ATP8A2: variants seen among roughly 807,000 people sequenced by gnomAD.
ATP8A2 encodes phospholipid-transporting ATPase IB.
A neutral mutation model predicts 165.6 loss-of-function variants in ATP8A2; 100 were observed. The ratio of observed to expected loss-of-function variants is 0.60; its 90% CI spans 0.51 to 0.71. ATP8A2 has a LOEUF of 0.71. Among genes scored for constraint, ATP8A2 ranks in the 30% least tolerant of loss-of-function variants. ATP8A2 has a pLI of 0.00. For synonymous variants in ATP8A2, 543 were observed against 548.8 expected, an observed-to-expected ratio of 0.99 and a Z score of 0.15; for missense variants, 1,227 against 1,479.5, an observed-to-expected ratio of 0.83 and a Z score of 2.80.
At chr13:25,591,583 CTT>C (rs749798935) in intron 24 of ATP8A2, among the ~76,000 whole-genome samples, 2,497 of 131,742 alleles carry the variant, frequency 0.019, 33 homozygotes, top group African/African-American at 0.066. Flanking sequence ...TAGCTTATAA[CTT>C]TTTTTTTTTT....
At chr13:25,472,249 C>T (rs2035864963) in intron 2 of ATP8A2, among the ~76,000 whole-genome samples, 2 of 152,100 alleles carry the variant, frequency 1.3e-5, no homozygotes. Flanking sequence ...CAAAAATTAG[C>T]CGGGCGTGGT....
intron 2 of ATP8A2, among the ~76,000 whole-genome samples, chr13:25,473,653 T>C (rs1332943463): frequency 6.6e-6 from 1 of 152,176 alleles, no homozygotes; most frequent in East Asian, 1.9e-4. Context: ...AGAAATATTA[T>C]ACTCTAGCTA....
intron 2 of ATP8A2, among the ~76,000 whole-genome samples, chr13:25,475,438 T>C (rs1566163832): frequency 6.6e-6 from 1 of 152,318 alleles, no homozygotes; most frequent in African/African-American, 2.4e-5. Context: ...TTTAGGTTGA[T>C]TCCATGTCAT....
chr13:25,509,379 A>G (rs2037149048), intron 2 of ATP8A2, among the ~76,000 whole-genome samples: 1 of 152,206 alleles, frequency 6.6e-6, no homozygotes, highest in Admixed American at 6.5e-5. Context: ...AATTATTGCT[A>G]GAGGAAAAAT....
chr13:25,689,253 T>C (rs1473946235), intron 24 of ATP8A2, among the ~76,000 whole-genome samples: 2 of 152,232 alleles, frequency 1.3e-5, no homozygotes, highest in African/African-American at 4.8e-5. Flanking sequence ...GATAAGTAGT[T>C]CAAAAATTGT....
intron 2 of ATP8A2, among the ~76,000 whole-genome samples, chr13:25,479,489 T>C (rs896161442): frequency 6.6e-6 from 1 of 152,078 alleles, no homozygotes; most frequent in Non-Finnish European, 1.5e-5. Context: ...GTATGATTCT[T>C]TTATTTTTAT....
At chr13:25,402,414 A>G (rs1489864276) in intron 1 of ATP8A2, among the ~76,000 whole-genome samples, 3 of 152,154 alleles carry the variant, frequency 2.0e-5, no homozygotes, top group Admixed American at 6.5e-5. Context: ...GTGTTAGGGT[A>G]TGAGTATCTT....
At chr13:25,487,581 GACA>G (rs958614369) in intron 2 of ATP8A2, among the ~76,000 whole-genome samples, 4 of 152,140 alleles carry the variant, frequency 2.6e-5, no homozygotes, top group African/African-American at 9.7e-5. Context: ...TAGTGTGTTT[GACA>G]ACAACTCTCC....
In ATP8A2 at chr13:25,482,527, C is replaced by T. The variant is rs528509113; in HGVS notation, c.221+13406C>T. ...GGCCAGACATGGGGAACCCCATGTG[C>T]AGAGGTGCAGAAGAGTGTAACGGCC... On this transcript the variant is annotated intron_variant, in intron 2 of 36. Coordinates refer to ENST00000381655, the MANE Select transcript of ATP8A2 (RefSeq NM_016529.6). Among the ~76,000 whole-genome samples, 24 of 152,082 alleles carry T rather than the reference C, an allele frequency of 1.6e-4. No homozygotes were observed. In the South Asian group the frequency reaches 5.0e-3, roughly 32 times the overall value.
chr13:25,589,848 A>G (rs2040023465), intron 24 of ATP8A2, 149 bp downstream of exon 24: 1 of 547,272 alleles, frequency 1.8e-6, no homozygotes, highest in African/African-American at 1.9e-5. Context: ...ATATTTAAGA[A>G]TGGATGTCAG....
At chr13:25,791,831 C>A (rs551195558) in intron 27 of ATP8A2, among the ~76,000 whole-genome samples, 1 of 152,122 alleles carries the variant, frequency 6.6e-6, no homozygotes, top group African/African-American at 2.4e-5. Flanking sequence ...TTTTACTAGA[C>A]CCTTGTTTCC....
chr13:25,812,252 G>T (rs1278424993), intron 27 of ATP8A2, among the ~76,000 whole-genome samples: 1 of 150,950 alleles, frequency 6.6e-6, no homozygotes, highest in Admixed American at 6.6e-5. Context: ...TACCATTATA[G>T]TATGTTTGTC....
Position 25,594,762 on chromosome 13 carries a change from G to T in ATP8A2, c.2211+5063G>T, listed in dbSNP as rs1331325496. On this transcript the variant is annotated intron_variant, in intron 24 of 36. Coordinates refer to ENST00000381655, the MANE Select transcript of ATP8A2 (RefSeq NM_016529.6). Reference sequence around the variant, plus strand: ...AATGTAAACTAGTACAACCACTATGGAAAACAGTGTGGAGTGTCCTTAAAG... The same window carrying T: ...AATGTAAACTAGTACAACCACTATGTAAAACAGTGTGGAGTGTCCTTAAAG... Among the ~76,000 whole-genome samples, 5 of 152,096 alleles carry T rather than the reference G, an allele frequency of 3.3e-5. No homozygotes were observed. The East Asian group carries it at 9.6e-4, about 29-fold the overall frequency.
chr13:25,832,900 G>A (rs117287263), intron 28 of ATP8A2, among the ~76,000 whole-genome samples: 1,624 of 152,238 alleles, frequency 0.011, 12 homozygotes, highest in Non-Finnish European at 0.018. Context: ...ATACACATAT[G>A]CTCACAGAAA....
chr13:25,374,081 A>G (rs1187761667), intron 1 of ATP8A2, among the ~76,000 whole-genome samples: 1 of 152,192 alleles, frequency 6.6e-6, no homozygotes, highest in Non-Finnish European at 1.5e-5. Flanking sequence ...GTCCTTGGAT[A>G]GAGTCCTGGG....
chr13:25,687,347 A>G (rs1331741308), intron 24 of ATP8A2, among the ~76,000 whole-genome samples: 1 of 152,234 alleles, frequency 6.6e-6, no homozygotes, highest in Non-Finnish European at 1.5e-5. Context: ...CACAAAGAGC[A>G]AGTGACAGCT....
intron 24 of ATP8A2, among the ~76,000 whole-genome samples, chr13:25,619,153 G>C (rs1036697969): frequency 3.9e-5 from 6 of 152,194 alleles, no homozygotes; most frequent in Admixed American, 2.0e-4. Context: ...CACCTTTTGT[G>C]GAGGCTTTTC....
intron 1 of ATP8A2, among the ~76,000 whole-genome samples, chr13:25,414,894 G>T (rs2034088448): frequency 6.6e-6 from 1 of 152,074 alleles, no homozygotes; most frequent in African/African-American, 2.4e-5. Flanking sequence ...CTCTTCATTA[G>T]TTCCTGTCCC....
At chr13:25,880,768 C>T (rs952948709) in intron 33 of ATP8A2, 2 of 381,848 alleles carry the variant, frequency 5.2e-6, no homozygotes, top group African/African-American at 4.2e-5. Flanking sequence ...AGCTATTCAG[C>T]ATAAGTTAAT....
Sources: allele counts gnomAD v4.1 joint callset (sites outside exome capture counted in the v4.1 genomes callset), GRCh38; gene constraint gnomAD v4.1.1; transcripts MANE v1.5; gene names NCBI Gene and HGNC (gene_info 2026-07-23, HGNC 2026-07-21).